Variants in CCDC91 observed in about 807,000 individuals in gnomAD.
CCDC91 encodes coiled-coil domain-containing protein 91.
A neutral mutation model predicts 63.2 loss-of-function variants in CCDC91; 48 were observed. That is an observed-to-expected ratio of 0.76 (90% CI 0.60 to 0.97). CCDC91 has a LOEUF of 0.97. CCDC91 is among the 50% of genes least tolerant of loss of function. The pLI is 0.00. For missense variants in CCDC91, 500 were observed against 494.6 expected, an observed-to-expected ratio of 1.01 and a Z score of -0.10; for synonymous variants, 167 against 165.8, an observed-to-expected ratio of 1.01 and a Z score of -0.06.
At chr12:28,289,685 C>CTTTTT (rs75555723) in intron 3 of CCDC91, among the ~76,000 whole-genome samples, 177 of 98,478 alleles carry the variant, frequency 1.8e-3, no homozygotes, top group African/African-American at 5.9e-3. Context: ...CTTTTCTTTT[C>CTTTTT]TTTTTTTTTT....
chr12:28,355,491 C>A (rs1315769378), intron 6 of CCDC91, among the ~76,000 whole-genome samples: 3 of 152,164 alleles, frequency 2.0e-5, no homozygotes, highest in Middle Eastern at 3.2e-3. Flanking sequence ...ATATCATCTT[C>A]TCTTATGAAG....
At chr12:28,537,005 C>A (rs1942226624) in intron 12 of CCDC91, among the ~76,000 whole-genome samples, 1 of 152,068 alleles carries the variant, frequency 6.6e-6, no homozygotes, top group Non-Finnish European at 1.5e-5. Context: ...CTGGGGAAAA[C>A]CTACTATCAT....
At chr12:28,368,646 T>C (rs1944422985) in intron 7 of CCDC91, among the ~76,000 whole-genome samples, 1 of 152,200 alleles carries the variant, frequency 6.6e-6, no homozygotes, top group Non-Finnish European at 1.5e-5. Flanking sequence ...TAGTTACATA[T>C]CTGTTTTTAG....
intron 1 of CCDC91, among the ~76,000 whole-genome samples, chr12:28,192,385 T>G (rs1941337124): frequency 6.6e-6 from 1 of 152,144 alleles, no homozygotes; most frequent in South Asian, 2.1e-4. Flanking sequence ...TAAGACTGGT[T>G]CCATTAAGTA....
At chr12:28,233,152 A>C (rs1383809501) in intron 1 of CCDC91, among the ~76,000 whole-genome samples, 3 of 152,036 alleles carry the variant, frequency 2.0e-5, no homozygotes, top group African/African-American at 7.2e-5. Context: ...GTTCTGATAA[A>C]TATATACCTG....
intron 8 of CCDC91, among the ~76,000 whole-genome samples, chr12:28,422,057 C>T (rs776792914): frequency 7.2e-5 from 11 of 152,038 alleles, no homozygotes; most frequent in Non-Finnish European, 1.5e-4. Context: ...GTCTTTGAAA[C>T]GGTGGAAACC....
chr12:28,341,774 G>GAGAATGCGT (rs2137994962), intron 6 of CCDC91, among the ~76,000 whole-genome samples: 1 of 152,320 alleles, frequency 6.6e-6, no homozygotes, highest in East Asian at 1.9e-4. Context: ...AAAGGAGGCT[G>GAGAATGCGT]AGAATGCGTG....
At chr12:28,435,777 T>C (rs1168320451) in intron 8 of CCDC91, among the ~76,000 whole-genome samples, 1 of 151,822 alleles carries the variant, frequency 6.6e-6, no homozygotes, top group Non-Finnish European at 1.5e-5. Flanking sequence ...TCTCCCATAT[T>C]GATACTTTGG....
At chr12:28,196,661 G>A (rs4931734) in intron 1 of CCDC91, among the ~76,000 whole-genome samples, 86,046 of 151,990 alleles carry the variant, frequency 0.57, 24,512 homozygotes, top group East Asian at 0.61. Context: ...TTAATCACAA[G>A]TGAATGTTAT....
chr12:28,380,430 A>G (rs1292693054), intron 7 of CCDC91, among the ~76,000 whole-genome samples: 1 of 152,114 alleles, frequency 6.6e-6, no homozygotes, highest in Non-Finnish European at 1.5e-5. Flanking sequence ...TCTGTTTTAT[A>G]CTACATCAGG....
chr12:28,267,803 TA>T (rs1156912425), intron 3 of CCDC91, among the ~76,000 whole-genome samples: 3 of 26,596 alleles, frequency 1.1e-4, no homozygotes, highest in East Asian at 7.4e-4. Flanking sequence ...TATAATTATA[TA>T]GTAATATATA....
chr12:28,421,345 T>A (rs1947995913), intron 8 of CCDC91, among the ~76,000 whole-genome samples: 1 of 152,020 alleles, frequency 6.6e-6, no homozygotes, highest in Admixed American at 6.6e-5. Flanking sequence ...AGTTTTTAGA[T>A]CCTCTCCCTC....
intron 3 of CCDC91, among the ~76,000 whole-genome samples, chr12:28,272,001 C>G (rs572145778): frequency 2.0e-5 from 3 of 151,288 alleles, no homozygotes; most frequent in Non-Finnish European, 4.4e-5. Flanking sequence ...TAGATAGATT[C>G]CTCTAGCTTT....
At chr12:28,456,895 T>C (rs918400501) in intron 11 of CCDC91, among the ~76,000 whole-genome samples, 21 of 152,130 alleles carry the variant, frequency 1.4e-4, no homozygotes, top group African/African-American at 4.8e-4. Flanking sequence ...ATAGTTGTTA[T>C]TTAAAGCCAA....
At chr12:28,294,743 C>T (rs1949456553) in intron 3 of CCDC91, among the ~76,000 whole-genome samples, 1 of 152,088 alleles carries the variant, frequency 6.6e-6, no homozygotes, top group Admixed American at 6.6e-5. Flanking sequence ...TGCCACTACA[C>T]CCAGCTAATT....
At chr12:28,329,867 T>C (rs1447398929) in intron 6 of CCDC91, among the ~76,000 whole-genome samples, 4 of 152,120 alleles carry the variant, frequency 2.6e-5, no homozygotes, top group Non-Finnish European at 5.9e-5. Context: ...CATGTGGTGT[T>C]TGATTTTCTG....
intron 3 of CCDC91, among the ~76,000 whole-genome samples, chr12:28,264,048 C>A (rs539344272): frequency 8.6e-5 from 13 of 151,182 alleles, no homozygotes; most frequent in African/African-American, 3.2e-4. Flanking sequence ...AAACATATGA[C>A]CTGGAAATCA....
intron 11 of CCDC91, among the ~76,000 whole-genome samples, chr12:28,474,014 T>G (rs1291442808): frequency 6.6e-6 from 1 of 151,864 alleles, no homozygotes; most frequent in Non-Finnish European, 1.5e-5. Flanking sequence ...GTAAGAAATC[T>G]GTTGTCTTGA....
At chr12:28,467,047 A>G (rs754784378) in intron 11 of CCDC91, among the ~76,000 whole-genome samples, 3 of 152,074 alleles carry the variant, frequency 2.0e-5, no homozygotes, top group Admixed American at 6.5e-5. Flanking sequence ...AATAACGGGT[A>G]CTAAGATAGC....
Sources: allele counts gnomAD v4.1 joint callset (sites outside exome capture counted in the v4.1 genomes callset), GRCh38; gene constraint gnomAD v4.1.1; transcripts MANE v1.5; gene names NCBI Gene and HGNC (gene_info 2026-07-23, HGNC 2026-07-21).